MAML3: variants seen among roughly 807,000 people sequenced by gnomAD.
MAML3 encodes the protein mastermind like transcriptional coactivator 3.
A neutral mutation model predicts 101.9 loss-of-function variants in MAML3; 27 were observed. The observed-to-expected ratio is 0.27, with a 90% CI of 0.20 to 0.37. The LOEUF is 0.37. MAML3 is among the 10% of genes least tolerant of loss of function. The probability of loss-of-function intolerance (pLI) is 1.00; values close to 1 mark genes in which losing one functional copy is unlikely to be tolerated. For synonymous variants in MAML3, 501 were observed against 555.9 expected (o/e 0.90, Z 1.39); for missense variants, 1,316 against 1,444.9 (o/e 0.91, Z 1.45).
chr4:140,001,889 A>C (rs1349497319), intron 1 of MAML3, among the ~76,000 whole-genome samples: 1 of 152,250 alleles, frequency 6.6e-6, no homozygotes, highest in African/African-American at 2.4e-5. Context: ...TTTCAAAGGA[A>C]AGATGAAAAT....
chr4:140,095,179 T>C lies in MAML3; in HGVS notation c.468+57681A>G, dbSNP rs1453745544. Among the ~76,000 whole-genome samples the C allele has an allele frequency of 4.6e-5, 7 of 152,340 alleles. No individual in the cohort carries two copies. The East Asian group carries it at 1.4e-3, about 29-fold the overall frequency. ...CACACATCTTTCTTTGCTCTCTTTTTTCAGATTCAATTTGCCTGAATAGGA... is the reference window on the plus strand; with the variant it reads ...CACACATCTTTCTTTGCTCTCTTTTCTCAGATTCAATTTGCCTGAATAGGA... On this transcript the variant is annotated intron_variant, in intron 1 of 4. Coordinates refer to ENST00000509479, the MANE Select transcript of MAML3 (RefSeq NM_018717.5).
chr4:139,973,114 A>T lies in MAML3; in HGVS notation c.469-82147T>A, dbSNP rs76690924. Among the ~76,000 whole-genome samples, 1,268 of 152,288 alleles carry T rather than the reference A, an allele frequency of 8.3e-3. 40 individuals are homozygous for T. In the East Asian group the frequency reaches 0.13, roughly 15 times the overall value. On this transcript the variant is annotated intron_variant, in intron 1 of 4. Coordinates refer to ENST00000509479, the MANE Select transcript of MAML3 (RefSeq NM_018717.5). ...GAGTAAGAATCCAGTGTTTAGCCAT[A>T]AATCAAGCTACTTGGCTCATTCAGG... is the stretch of plus-strand genomic sequence containing the variant.
chr4:139,965,671 A>G (rs1262477953), intron 1 of MAML3, among the ~76,000 whole-genome samples: 1 of 152,196 alleles, frequency 6.6e-6, no homozygotes, highest in Admixed American at 6.5e-5. Context: ...TCTTCATTCT[A>G]TTTTTAATCT....
At chr4:139,967,415 C>A (rs1385360250) in intron 1 of MAML3, among the ~76,000 whole-genome samples, 1 of 151,392 alleles carries the variant, frequency 6.6e-6, no homozygotes, top group Non-Finnish European at 1.5e-5. Flanking sequence ...GCCTACAGTA[C>A]TCCCCTTTTG....
At chr4:140,140,740 G>A (rs892175246) in intron 1 of MAML3, among the ~76,000 whole-genome samples, 1 of 152,166 alleles carries the variant, frequency 6.6e-6, no homozygotes, top group African/African-American at 2.4e-5. Context: ...ATCTCTCTGG[G>A]TCAAATCATT....
chr4:139,922,851 A>T (rs548670016), intron 1 of MAML3, among the ~76,000 whole-genome samples: 1 of 152,198 alleles, frequency 6.6e-6, no homozygotes, highest in Admixed American at 6.5e-5. Context: ...CACAGCCAAG[A>T]TGGAGCAGAG....
chr4:139,889,626 G>A lies in MAML3; in HGVS notation c.1810C>T (p.Pro604Ser), dbSNP rs1478051332. The change falls in exon 2 of 5, where the codon CCC becomes TCC. Residue 604 changes from proline to serine, a missense_variant. Coordinates refer to ENST00000509479, the MANE Select transcript of MAML3 (RefSeq NM_018717.5). The stretch of plus-strand genomic sequence containing the variant: ...AGGTCTGCATTGAAGTGGGTCAGGG[G>A]TTTAGTGTTGCCATAAGTCAGAATA... ...HNILTYGNTK[P>S]LTHFNADLSQ... 6 of 1,613,866 alleles carry A rather than the reference G, an allele frequency of 3.7e-6. No individual in the cohort carries two copies. The highest frequency in any genetic ancestry group is 1.3e-5 in the African/African-American group (1 of 74,902).
intron 2 of MAML3, among the ~76,000 whole-genome samples, chr4:139,757,642 C>CAAAA (rs10583574): frequency 3.8e-5 from 4 of 104,580 alleles, no homozygotes; most frequent in Non-Finnish European, 3.8e-5. Flanking sequence ...GGCTCCATTT[C>CAAAA]AAAAAAAAAA....
rs147047175 is a variant in MAML3, at chr4:140,153,482, CG to C, written c.-156del. ...GGCGATCCCGACGGGGCGAAAAAAA[CG>C]GGGGGGGAGATTTTGGGGTGGTTTT... is the stretch of plus-strand genomic sequence containing the variant. On this transcript the variant is annotated 5_prime_UTR_variant, in exon 1 of 5. Coordinates refer to ENST00000509479, the MANE Select transcript of MAML3 (RefSeq NM_018717.5). 256 of 713,552 alleles carry C rather than the reference CG, an allele frequency of 3.6e-4. 4 individuals carry two copies. Among genetic ancestry groups the C allele is most frequent in the South Asian group, 1.2e-3 (30 of 24,742 alleles). The allele number at this position is 713,552 out of a possible 1,614,324, so 44.2% of individuals were successfully genotyped here. A position where few individuals can be genotyped will look rare whatever the true frequency, so the allele number is the denominator to read the frequency against.
chr4:140,143,534 G>C (rs1183413663), intron 1 of MAML3, among the ~76,000 whole-genome samples: 1 of 152,174 alleles, frequency 6.6e-6, no homozygotes, highest in African/African-American at 2.4e-5. Flanking sequence ...AGGCCAAGGC[G>C]GGCGGATCAT....
chr4:139,777,647 C>T (rs572521709), intron 2 of MAML3, among the ~76,000 whole-genome samples: 35 of 152,258 alleles, frequency 2.3e-4, no homozygotes, highest in Non-Finnish European at 4.7e-4. Context: ...TTGCCTCAGC[C>T]ACCCAAGTAA....
intron 2 of MAML3, among the ~76,000 whole-genome samples, chr4:139,734,182 G>C (rs888078503): frequency 6.6e-6 from 1 of 152,170 alleles, no homozygotes. Flanking sequence ...ATAATACATG[G>C]CTTCTTTTAA....
chr4:139,963,101 G>T (rs1389102723), intron 1 of MAML3, among the ~76,000 whole-genome samples: 1 of 152,160 alleles, frequency 6.6e-6, no homozygotes, highest in East Asian at 1.9e-4. Context: ...TAGTGAAGAG[G>T]TGAGGCAGGG....
intron 1 of MAML3, among the ~76,000 whole-genome samples, chr4:140,151,978 G>A (rs942901667): frequency 1.3e-5 from 2 of 152,206 alleles, no homozygotes; most frequent in East Asian, 3.9e-4. Flanking sequence ...GGCGCCAAGC[G>A]GAGAAAGACT....
intron 1 of MAML3, among the ~76,000 whole-genome samples, chr4:139,958,802 T>C (rs994266720): frequency 6.6e-6 from 1 of 152,230 alleles, no homozygotes; most frequent in African/African-American, 2.4e-5. Context: ...AAACTACTAA[T>C]ATCAGGACCA....
chr4:140,122,740 T>C (rs113176624), intron 1 of MAML3, among the ~76,000 whole-genome samples: 4,315 of 139,610 alleles, frequency 0.031, 226 homozygotes, highest in African/African-American at 0.11. Context: ...TGCAGTGAGC[T>C]GAGATCCCGC....
chr4:139,757,986 A>C (rs531051320), intron 2 of MAML3, among the ~76,000 whole-genome samples: 3 of 152,176 alleles, frequency 2.0e-5, no homozygotes, highest in African/African-American at 7.2e-5. Context: ...TTCTCATTGC[A>C]TGTGTCACAA....
chr4:139,979,795 G>A (rs1416654268), intron 1 of MAML3, among the ~76,000 whole-genome samples: 2 of 152,146 alleles, frequency 1.3e-5, no homozygotes, highest in Non-Finnish European at 2.9e-5. Flanking sequence ...CTGGTGCCGT[G>A]ATCTCGGACT....
intron 2 of MAML3, among the ~76,000 whole-genome samples, chr4:139,790,339 A>G (rs1730386304): frequency 6.7e-6 from 1 of 149,314 alleles, no homozygotes; most frequent in African/African-American, 2.5e-5. Context: ...TTCCTGAGTA[A>G]TCTTTCTTTT....
Sources: allele counts gnomAD v4.1 joint callset (sites outside exome capture counted in the v4.1 genomes callset), GRCh38; gene constraint gnomAD v4.1.1; transcripts MANE v1.5; gene names NCBI Gene and HGNC (gene_info 2026-07-23, HGNC 2026-07-21).